Variants in NEURL1 observed in about 807,000 individuals in gnomAD.
NEURL1 encodes neuralized E3 ubiquitin protein ligase 1.
Under a neutral mutation model 41.2 loss-of-function variants are expected in NEURL1, and 26 were observed. That is an observed-to-expected ratio of 0.63 (90% confidence interval 0.46 to 0.87). The LOEUF (loss-of-function observed/expected upper bound fraction) is 0.87, where lower values mean the gene tolerates loss of function less well. Among genes scored for constraint, NEURL1 ranks in the 40% least tolerant of loss-of-function variants. The pLI is 0.00. For missense variants in NEURL1, 761 were observed against 871.1 expected, an observed-to-expected ratio of 0.87 and a Z score of 1.59; for synonymous variants, 400 against 402.3, an observed-to-expected ratio of 0.99 and a Z score of 0.07.
chr10:103,504,656 T>A (rs1257425901), intron 1 of NEURL1, among the ~76,000 whole-genome samples: 1 of 152,212 alleles, frequency 6.6e-6, no homozygotes, highest in East Asian at 1.9e-4. Context: ...AGTCACTGTG[T>A]GCAGCCCACA....
At chr10:103,535,193 T>C (rs2034665028) in intron 1 of NEURL1, among the ~76,000 whole-genome samples, 1 of 152,068 alleles carries the variant, frequency 6.6e-6, no homozygotes, top group African/African-American at 2.4e-5. Flanking sequence ...GGCACAGCTG[T>C]TGTTTGGGCA....
intron 1 of NEURL1, among the ~76,000 whole-genome samples, chr10:103,503,882 C>T (rs1396222956): frequency 3.3e-5 from 5 of 150,860 alleles, no homozygotes; most frequent in African/African-American, 7.3e-5. Flanking sequence ...CCTCACCCCC[C>T]GGGCTCAATG....
chr10:103,579,589 G>T (rs547252385), intron 3 of NEURL1, among the ~76,000 whole-genome samples: 3 of 152,118 alleles, frequency 2.0e-5, no homozygotes, highest in Non-Finnish European at 4.4e-5. Flanking sequence ...TTAGTTCCTC[G>T]AAAGTCCTGT....
intron 1 of NEURL1, among the ~76,000 whole-genome samples, chr10:103,561,648 C>G (rs1237276492): frequency 1.3e-5 from 2 of 152,190 alleles, no homozygotes; most frequent in Non-Finnish European, 2.9e-5. Flanking sequence ...GGCCTGAATG[C>G]CAAGAGGTGG....
At chr10:103,495,836 G>A (rs1564800293) in intron 1 of NEURL1, among the ~76,000 whole-genome samples, 2 of 152,312 alleles carry the variant, frequency 1.3e-5, no homozygotes, top group East Asian at 1.9e-4. Flanking sequence ...GGCAGGGTGC[G>A]GTGGCTCACG....
At chr10:103,528,095 C>T (rs1170843973) in intron 1 of NEURL1, among the ~76,000 whole-genome samples, 1 of 152,176 alleles carries the variant, frequency 6.6e-6, no homozygotes. Flanking sequence ...TTGGCTCATG[C>T]CTGTAATCCC....
intron 1 of NEURL1, among the ~76,000 whole-genome samples, chr10:103,552,825 G>T (rs540337917): frequency 6.6e-6 from 1 of 151,296 alleles, no homozygotes; most frequent in East Asian, 1.9e-4. Flanking sequence ...CTCTGTATAG[G>T]ACCGAGTAGG....
intron 1 of NEURL1, among the ~76,000 whole-genome samples, chr10:103,509,424 G>A (rs2034021638): frequency 6.6e-6 from 1 of 152,048 alleles, no homozygotes; most frequent in African/African-American, 2.4e-5. Context: ...TTGTTCCTTG[G>A]CTACAAACCT....
At chr10:103,561,557 C>T (rs1005241527) in intron 1 of NEURL1, among the ~76,000 whole-genome samples, 3 of 152,210 alleles carry the variant, frequency 2.0e-5, no homozygotes, top group African/African-American at 7.2e-5. Flanking sequence ...AGCCACTGCA[C>T]CAGCCACTTC....
At chr10:103,586,267 G>C (rs1477046793) in intron 4 of NEURL1, among the ~76,000 whole-genome samples, 1 of 152,116 alleles carries the variant, frequency 6.6e-6, no homozygotes. Flanking sequence ...AGTGTCTCCT[G>C]GTACCTTTGT....
At chr10:103,552,284 G>T (rs2035047261) in intron 1 of NEURL1, among the ~76,000 whole-genome samples, 1 of 152,138 alleles carries the variant, frequency 6.6e-6, no homozygotes, top group Non-Finnish European at 1.5e-5. Flanking sequence ...CAGGAAGAAG[G>T]CCAGAGTCTT....
intron 1 of NEURL1, among the ~76,000 whole-genome samples, chr10:103,560,418 C>T (rs2035267859): frequency 6.6e-6 from 1 of 152,206 alleles, no homozygotes; most frequent in Admixed American, 6.5e-5. Context: ...AGCTGTATAA[C>T]CTCTGGCTGC....
intron 1 of NEURL1, among the ~76,000 whole-genome samples, chr10:103,550,297 G>A (rs904961981): frequency 1.3e-5 from 2 of 152,192 alleles, no homozygotes; most frequent in African/African-American, 4.8e-5. Context: ...GCAGGGAAAA[G>A]AGGGACAGCT....
chr10:103,518,141 A>G (rs749342866), intron 1 of NEURL1, among the ~76,000 whole-genome samples: 3 of 152,112 alleles, frequency 2.0e-5, no homozygotes, highest in Non-Finnish European at 2.9e-5. Flanking sequence ...CTGCCCACAC[A>G]GTTTCAGGAA....
intron 4 of NEURL1, 29 bp from the exon 5 acceptor site, chr10:103,589,485 T>C: frequency 6.4e-7 from 1 of 1,565,384 alleles, no homozygotes; most frequent in South Asian, 1.2e-5. Flanking sequence ...AGGCAGCTAG[T>C]GTGTCCTTCC....
chr10:103,577,170 A>T lies in NEURL1; in HGVS notation c.649+5348A>T, dbSNP rs7911353. On this transcript the variant is annotated intron_variant, in intron 3 of 5. Coordinates refer to ENST00000369780, the MANE Select transcript of NEURL1 (RefSeq NM_004210.5). The stretch of plus-strand genomic sequence containing the variant: ...TTTCATTTCTTTTTGATTAAGAAAA[A>T]AATCTTGCTTTTCCTTCTGCTTCAG... Among the ~76,000 whole-genome samples, 1,175 of 152,234 alleles carry T rather than the reference A, an allele frequency of 7.7e-3. 15 individuals carry two copies. The highest frequency in any genetic ancestry group is 0.025 in the African/African-American group (1,021 of 41,538).
chr10:103,534,742 G>A (rs762381254), intron 1 of NEURL1, among the ~76,000 whole-genome samples: 3 of 152,180 alleles, frequency 2.0e-5, no homozygotes, highest in Non-Finnish European at 4.4e-5. Context: ...TCCAGGTGCA[G>A]GTGCTTAGAG....
chr10:103,511,733 C>G (rs1348504714), intron 1 of NEURL1: 1 of 152,400 alleles, frequency 6.6e-6, no homozygotes, highest in Non-Finnish European at 1.5e-5. Flanking sequence ...TCTGGCTGCC[C>G]TGGGCTTCAC....
chr10:103,555,424 G>A (rs554294002), intron 1 of NEURL1: 154 of 1,355,522 alleles, frequency 1.1e-4, no homozygotes, highest in Non-Finnish European at 1.5e-4. Context: ...GTAAGGCCCC[G>A]CGGATGCCTG....
Sources: gnomAD v4.1 joint callset for allele counts (sites outside exome capture counted in the v4.1 genomes callset) on GRCh38, gnomAD v4.1.1 for gene constraint, MANE v1.5 for transcripts, NCBI Gene and HGNC (gene_info 2026-07-23, HGNC 2026-07-21) for gene names.